NIN: variants seen among roughly 807,000 people sequenced by gnomAD.
NIN encodes ninein.
Under a neutral mutation model 257.6 loss-of-function variants are expected in NIN, and 137 were observed. That is an observed-to-expected ratio of 0.53 (90% CI 0.46 to 0.61). The LOEUF is 0.61. NIN is among the 20% of genes least tolerant of loss of function. The pLI is 0.00. For synonymous variants in NIN, 918 were observed against 919.8 expected (o/e 1.00, Z 0.04); for missense variants, 2,439 against 2,501.2 (o/e 0.98, Z 0.53).
chr14:50,732,994 A>G (rs1313959903), intron 28 of NIN, among the ~76,000 whole-genome samples: 2 of 152,198 alleles, frequency 1.3e-5, no homozygotes, highest in African/African-American at 4.8e-5. Flanking sequence ...CTTGAGCCCA[A>G]GAATTCAAGG....
At chr14:50,763,747 G>A (rs2042365569) in intron 15 of NIN, 79 bp downstream of exon 15, 3 of 1,227,174 alleles carry the variant, frequency 2.4e-6, no homozygotes, top group Non-Finnish European at 3.4e-6. Flanking sequence ...AGTTGCCAAA[G>A]CTTTGCAATT....
chr14:50,786,675 G>A (rs2043362405), intron 5 of NIN, among the ~76,000 whole-genome samples: 1 of 151,944 alleles, frequency 6.6e-6, no homozygotes, highest in African/African-American at 2.4e-5. Flanking sequence ...ATAGCCTTTG[G>A]TAGAATAAAT....
chr14:50,830,032 C>G (rs2045629739), intron 2 of NIN, among the ~76,000 whole-genome samples: 1 of 152,224 alleles, frequency 6.6e-6, no homozygotes, highest in Non-Finnish European at 1.5e-5. Flanking sequence ...CCGCACACCT[C>G]CAAAAATCTC....
intron 6 of NIN, 64 bp downstream of exon 6, chr14:50,778,701 C>T (rs946457996): frequency 5.0e-6 from 7 of 1,413,910 alleles, no homozygotes; most frequent in East Asian, 2.3e-5. Flanking sequence ...TCAGAAAGAC[C>T]GGGTGTGGAG....
At chr14:50,780,948 C>T (rs1252651525) in intron 5 of NIN, among the ~76,000 whole-genome samples, 3 of 152,132 alleles carry the variant, frequency 2.0e-5, no homozygotes, top group Admixed American at 6.6e-5. Flanking sequence ...GGATGGGGAG[C>T]AAGTGGTAAA....
intron 4 of NIN, among the ~76,000 whole-genome samples, chr14:50,797,173 G>C (rs550536435): frequency 6.6e-6 from 1 of 152,262 alleles, no homozygotes; most frequent in South Asian, 2.1e-4. Context: ...CCTGCCATAG[G>C]CAAAACATTA....
At chr14:50,809,559 T>C (rs1268402096) in intron 3 of NIN, among the ~76,000 whole-genome samples, 3 of 152,208 alleles carry the variant, frequency 2.0e-5, no homozygotes, top group Non-Finnish European at 4.4e-5. Context: ...ATTCTTTAAC[T>C]TGACTCTGTG....
intron 9 of NIN, chr14:50,771,994 A>AC (rs922810371): frequency 5.0e-6 from 1 of 198,372 alleles, no homozygotes; most frequent in African/African-American, 2.8e-5. Context: ...TCAAAAAAAA[A>AC]ACAAACAACA....
intron 4 of NIN, among the ~76,000 whole-genome samples, chr14:50,800,239 C>T (rs187484987): frequency 4.6e-5 from 7 of 152,118 alleles, no homozygotes; most frequent in Admixed American, 2.0e-4. Flanking sequence ...AGATAGAGCA[C>T]GATTTGCCTA....
rs369898839 is a variant in NIN at position 50,741,692 on chromosome 14, G to A, written c.5338C>T (p.Leu1780=). The change falls in exon 25 of 31, where the codon CTG becomes TTG. Residue 1780 remains leucine (L), a synonymous_variant. Transcript: ENST00000530997. The part of the protein sequence containing the change: ...NLEDTVQNVN[L]QMSRMKSDLR... The stretch of plus-strand genomic sequence containing the variant: ...TCAGATTTCATCCGGGACATTTGCA[G>A]GTTTACATTCTGCACGGTGTCTTCT... The A allele has an allele frequency of 1.2e-6, 2 of 1,614,050 alleles. No individual in the cohort carries two copies. Among genetic ancestry groups the A allele is most frequent in the Non-Finnish European group, 1.7e-6 (2 of 1,179,980 alleles).
Position 50,766,902 on chromosome 14 carries a change from T to G in NIN, c.1435-12A>C. ...AGACGACTGTTTTCCTGAACAAGTA[T>G]GGGGAAATTAAATGTGGTACAGATT... On this transcript the variant is annotated splice_polypyrimidine_tract_variant and intron_variant, in intron 12 of 30. Transcript: ENST00000530997. 6.3e-7 allele frequency: 1 copy of G among 1,575,318 alleles called. No individual in the cohort carries two copies. The highest frequency in any genetic ancestry group is 1.1e-5 in the South Asian group (1 of 90,320).
intron 18 of NIN, among the ~76,000 whole-genome samples, chr14:50,756,239 T>C (rs920030849): frequency 1.3e-5 from 2 of 152,128 alleles, no homozygotes; most frequent in South Asian, 2.1e-4. Flanking sequence ...TGCACATGGT[T>C]AAACAGCAAA....
In NIN at chr14:50,739,412, C is replaced by T. The variant is rs765795570; in HGVS notation, c.5524G>A (p.Asp1842Asn). The T allele has an allele frequency of 1.9e-6, 3 of 1,614,220 alleles. No homozygotes were observed. Among genetic ancestry groups the T allele is most frequent in the Non-Finnish European group, 2.5e-6 (3 of 1,180,038 alleles). Residue 1842 changes from aspartate to asparagine, a missense_variant, in exon 26 of 31, where the codon GAT (aspartate) becomes AAT (asparagine). Asp to Asn is a conservative substitution (Grantham distance 23). Transcript: ENST00000530997. Reference protein sequence around the residue: ...QQKRLSWDKLDHLMNEEQQLL... With the variant: ...QQKRLSWDKLNHLMNEEQQLL... Reference sequence around the variant, plus strand: ...TGCTGTTCCTCATTCATCAGATGATCCAACTTGTCCCAGGACAGCCTTTTC... The same window carrying T: ...TGCTGTTCCTCATTCATCAGATGATTCAACTTGTCCCAGGACAGCCTTTTC...
Position 50,822,071 on chromosome 14 carries a change from T to C in NIN, c.-15A>G. 6.2e-7 allele frequency: 1 copy of C among 1,607,612 alleles called. No homozygotes were observed. Among genetic ancestry groups the C allele is most frequent in the Non-Finnish European group, 8.5e-7 (1 of 1,175,886 alleles). ...ACCTCATCCATCCCATAGCCCACAG[T>C]GCTCACCTGTGTGTAAGACAGAGAC... On this transcript the variant is annotated 5_prime_UTR_variant, in exon 3 of 31. Coordinates refer to ENST00000530997, the MANE Select transcript of NIN (RefSeq NM_020921.4).
chr14:50,767,722 C>G (rs574817913), intron 12 of NIN, among the ~76,000 whole-genome samples: 2 of 150,256 alleles, frequency 1.3e-5, no homozygotes, highest in African/African-American at 4.9e-5. Context: ...GAGGCTGAGG[C>G]GGGAGAATGG....
At chr14:50,759,618 A>C (rs7155230) in intron 17 of NIN, among the ~76,000 whole-genome samples, 176 of 151,270 alleles carry the variant, frequency 1.2e-3, no homozygotes, top group Non-Finnish European at 1.8e-3. Context: ...CTCAGCCTCC[A>C]GAGTAGCTGG....
At chr14:50,727,733 G>A (rs2040480796) in intron 29 of NIN, 3 of 1,429,430 alleles carry the variant, frequency 2.1e-6, no homozygotes, top group South Asian at 1.1e-5. Context: ...TGCACTGCTC[G>A]CTGCTCCGGT....
chr14:50,795,368 T>G (rs2142055685), intron 4 of NIN, among the ~76,000 whole-genome samples: 1 of 152,330 alleles, frequency 6.6e-6, no homozygotes, highest in African/African-American at 2.4e-5. Context: ...ACAGCAAAGC[T>G]AACGATGTTC....
intron 3 of NIN, among the ~76,000 whole-genome samples, chr14:50,818,150 T>C (rs1309726548): frequency 3.3e-5 from 5 of 151,702 alleles, no homozygotes; most frequent in South Asian, 2.1e-4. Flanking sequence ...GGTGAAACCC[T>C]GTCTCTACTG....
Sources: gnomAD v4.1 joint callset for allele counts (sites outside exome capture counted in the v4.1 genomes callset) on GRCh38, gnomAD v4.1.1 for gene constraint, MANE v1.5 for transcripts, NCBI Gene and HGNC (gene_info 2026-07-23, HGNC 2026-07-21) for gene names.